The following TTC29 variants were observed in gnomAD, a reference collection of about 807,000 sequenced individuals.
The protein encoded by TTC29 is tetratricopeptide repeat protein 29.
TTC29 carries 49 observed loss-of-function variants against 58.1 expected under a neutral mutation model. That is an observed-to-expected ratio of 0.84 (90% confidence interval 0.67 to 1.07). TTC29 has a LOEUF of 1.07. TTC29 is among the 50% of genes least tolerant of loss of function. The pLI is 0.00. For synonymous variants in TTC29, 209 were observed against 196.8 expected (o/e 1.06, Z -0.52); for missense variants, 582 against 555.6 (o/e 1.05, Z -0.48).
chr4:146,928,874 A>G (rs1735118714), intron 4 of TTC29, among the ~76,000 whole-genome samples: 1 of 152,176 alleles, frequency 6.6e-6, no homozygotes, highest in Non-Finnish European at 1.5e-5. Flanking sequence ...ATTTCCCTGC[A>G]TAAAATGAGC....
intron 6 of TTC29, among the ~76,000 whole-genome samples, chr4:146,893,157 C>A (rs1038679897): frequency 2.0e-5 from 3 of 152,190 alleles, no homozygotes; most frequent in African/African-American, 2.4e-5. Context: ...CAAGGACTTT[C>A]TTCACAGAAT....
At position 146,890,021 on chromosome 4, in the gene TTC29, C is replaced by CT. The variant is rs1268637588; in HGVS notation, c.586+13522dup. On this transcript the variant is annotated intron_variant, in intron 6 of 12. Transcript: ENST00000325106. ...ATGCCACTCCACCATTGGTATATTTCTTTTTTTTATTTCTGAAATAACATC... is the reference window on the plus strand; with the variant it reads ...ATGCCACTCCACCATTGGTATATTTCTTTTTTTTTATTTCTGAAATAACATC... Among the ~76,000 whole-genome samples the CT allele has an allele frequency of 3.9e-5, 6 of 152,016 alleles. No individual in the cohort carries two copies. The East Asian group carries it at 9.7e-4, about 25-fold the overall frequency.
chr4:146,762,395 AG>A (rs1308578417), intron 11 of TTC29, among the ~76,000 whole-genome samples: 2 of 144,162 alleles, frequency 1.4e-5, no homozygotes, highest in Admixed American at 7.2e-5. Flanking sequence ...AAGGCAATGT[AG>A]TCTGTGTAAA....
chr4:146,862,467 A>G (rs140285814), intron 8 of TTC29, among the ~76,000 whole-genome samples: 1 of 152,288 alleles, frequency 6.6e-6, no homozygotes, highest in African/African-American at 2.4e-5. Context: ...AAAAAAGTAA[A>G]AGGAGATTCA....
chr4:146,842,266 C>A (rs974982871), intron 8 of TTC29, among the ~76,000 whole-genome samples: 2 of 152,122 alleles, frequency 1.3e-5, no homozygotes, highest in African/African-American at 4.8e-5. Context: ...GCCATTCAAT[C>A]ACTGGAGAGT....
chr4:146,942,717 A>G (rs1367939351), intron 2 of TTC29: 21 of 1,234,274 alleles, frequency 1.7e-5, no homozygotes, highest in Non-Finnish European at 2.2e-5. Flanking sequence ...GAAGAAAACA[A>G]CTAAGTTTGC....
intron 8 of TTC29, among the ~76,000 whole-genome samples, chr4:146,835,910 T>A (rs1182178480): frequency 6.6e-6 from 1 of 152,154 alleles, no homozygotes; most frequent in Non-Finnish European, 1.5e-5. Context: ...GTGCCATAAT[T>A]CCTGGGAGCA....
rs554403255 is a variant in TTC29, at chr4:146,834,628, A to C, written c.886-731T>G. 4.6e-5 allele frequency among the ~76,000 whole-genome samples: 7 copies of C among 152,274 alleles called. No homozygotes were observed. The South Asian group carries it at 8.3e-4, about 18-fold the overall frequency. On this transcript the variant is annotated intron_variant, in intron 8 of 12. Transcript: ENST00000325106. ...TTACTTGACCCAACCTATTACACAC[A>C]TGAGGACACAGGAAATCTCCAAAGA...
chr4:146,753,842 G>A (rs1273300898), intron 11 of TTC29, among the ~76,000 whole-genome samples: 1 of 151,932 alleles, frequency 6.6e-6, no homozygotes, highest in East Asian at 1.9e-4. Context: ...CTCATAGGTG[G>A]GAATTGAACA....
chr4:146,937,312 T>C (rs13131791), intron 4 of TTC29, among the ~76,000 whole-genome samples: 70,602 of 151,790 alleles, frequency 0.47, 17,135 homozygotes, highest in African/African-American at 0.59. Flanking sequence ...CACCTTAAAA[T>C]GAAGGTTAAC....
rs185243930 is a variant in TTC29 at position 146,910,646 on chromosome 4, G to C, written c.177-1397C>G. ...AGAGCTATTGGAGATCAGAGTCAGG[G>C]AACTGACATGACGAGACTGCATTTT... On this transcript the variant is annotated intron_variant, in intron 4 of 12. Transcript: ENST00000325106. Among the ~76,000 whole-genome samples the C allele has an allele frequency of 3.5e-4, 54 of 152,190 alleles. 1 individual carries two copies. In the East Asian group the frequency reaches 6.6e-3, roughly 19 times the overall value.
intron 9 of TTC29, among the ~76,000 whole-genome samples, chr4:146,823,136 T>G (rs1751957432): frequency 6.6e-6 from 1 of 152,242 alleles, no homozygotes; most frequent in African/African-American, 2.4e-5. Flanking sequence ...TTTTTGTTTT[T>G]GTTGCAATTG....
chr4:146,874,502 G>A (rs2150222062), intron 7 of TTC29, among the ~76,000 whole-genome samples: 1 of 152,188 alleles, frequency 6.6e-6, no homozygotes, highest in South Asian at 2.1e-4. Flanking sequence ...TTGTAATTTT[G>A]GAGATAAAGC....
chr4:146,901,728 AATAG>A (rs1423107615), intron 6 of TTC29, among the ~76,000 whole-genome samples: 3 of 152,216 alleles, frequency 2.0e-5, no homozygotes, highest in African/African-American at 7.2e-5. Flanking sequence ...CTCACCTTAT[AATAG>A]ATAAGCACCT....
chr4:146,732,577 T>C (rs1346187916), intron 11 of TTC29, among the ~76,000 whole-genome samples: 1 of 152,078 alleles, frequency 6.6e-6, no homozygotes, highest in Non-Finnish European at 1.5e-5. Flanking sequence ...AGTTTTGGGT[T>C]TAACTGGTTT....
At chr4:146,810,299 A>T (rs543878433) in intron 10 of TTC29, among the ~76,000 whole-genome samples, 2 of 152,258 alleles carry the variant, frequency 1.3e-5, no homozygotes, top group African/African-American at 4.8e-5. Flanking sequence ...GAAATACCTA[A>T]TATAGATGAC....
Position 146,735,893 on chromosome 4 carries a change from G to A in TTC29, c.1331-28342C>T, listed in dbSNP as rs566670407. Among the ~76,000 whole-genome samples the A allele has an allele frequency of 3.9e-5, 6 of 152,262 alleles. No homozygotes were observed. The East Asian group carries it at 1.2e-3, about 29-fold the overall frequency. ...ATTAATTAACAAGACAATAGGGAAA[G>A]GCAGAAAATCAAAGGATTCATCCCA... On this transcript the variant is annotated intron_variant, in intron 11 of 12. Transcript: ENST00000325106.
chr4:146,872,001 A>G (rs1579876379), intron 7 of TTC29, among the ~76,000 whole-genome samples: 2 of 152,094 alleles, frequency 1.3e-5, no homozygotes, highest in African/African-American at 4.8e-5. Context: ...AAAACTTACT[A>G]CACAACTAGA....
intron 8 of TTC29, among the ~76,000 whole-genome samples, chr4:146,860,541 T>C (rs1042079766): frequency 1.3e-5 from 2 of 152,084 alleles, no homozygotes; most frequent in African/African-American, 4.8e-5. Context: ...TTTCTTCCTA[T>C]ACAGTCATAG....
Sources: gnomAD v4.1 joint callset for allele counts (sites outside exome capture counted in the v4.1 genomes callset) on GRCh38, gnomAD v4.1.1 for gene constraint, MANE v1.5 for transcripts, NCBI Gene and HGNC (gene_info 2026-07-23, HGNC 2026-07-21) for gene names.